Variants in PCDHA3 observed in about 807,000 individuals in gnomAD.
PCDHA3 encodes the protein protocadherin alpha-3.
Under a neutral mutation model 62.2 loss-of-function variants are expected in PCDHA3, and 41 were observed. The observed-to-expected ratio is 0.66, with a 90% CI of 0.51 to 0.86. PCDHA3 has a LOEUF of 0.86. Among genes scored for constraint, PCDHA3 ranks in the 40% least tolerant of loss-of-function variants. The pLI is 0.00. For missense variants in PCDHA3, 1,304 were observed against 1,241.2 expected (o/e 1.05, Z -0.76); for synonymous variants, 640 against 555.4 (o/e 1.15, Z -2.14).
intron 3 of PCDHA3, among the ~76,000 whole-genome samples, chr5:141,008,922 G>A (rs34518527): frequency 0.052 from 7,924 of 152,178 alleles, 248 homozygotes; most frequent in South Asian, 0.11. Flanking sequence ...AATTTATTCA[G>A]CTAATTTTTC....
intron 1 of PCDHA3, among the ~76,000 whole-genome samples, chr5:140,912,600 T>C (rs2075993093): frequency 6.6e-6 from 1 of 152,156 alleles, no homozygotes; most frequent in African/African-American, 2.4e-5. Context: ...CTTTATTTCT[T>C]CCTCTTGTCT....
intron 1 of PCDHA3, chr5:140,829,004 C>T (rs2150161840): frequency 4.3e-6 from 7 of 1,613,616 alleles, no homozygotes; most frequent in African/African-American, 4.0e-5. Flanking sequence ...AATAGTGATT[C>T]GGGGTAATTT....
chr5:140,850,912 T>G (rs2150501930), intron 1 of PCDHA3: 2 of 1,541,844 alleles, frequency 1.3e-6, no homozygotes, highest in South Asian at 2.5e-5. Context: ...AGCATTTTAT[T>G]TATTTATATA....
Position 140,850,161 on chromosome 5 carries a change from C to T in PCDHA3, c.2394+46570C>T, listed in dbSNP as rs2150470387. On this transcript the variant is annotated intron_variant, in intron 1 of 3. Coordinates refer to ENST00000522353, the MANE Select transcript of PCDHA3 (RefSeq NM_018906.3). ...CAACGTGACGCTGCAGGTGTTCGTG[C>T]TGGACGAGAACGACAATGCGCCGGC... 20 of 1,594,886 alleles carry T rather than the reference C, an allele frequency of 1.3e-5. 1 individual carries two copies. Among genetic ancestry groups the T allele is most frequent in the Non-Finnish European group, 1.7e-5 (20 of 1,167,810 alleles).
intron 1 of PCDHA3, chr5:140,882,004 C>CA (rs1296948506): frequency 1.0e-5 from 5 of 496,760 alleles, no homozygotes; most frequent in Non-Finnish European, 1.7e-5. Flanking sequence ...ATGCAAGGGG[C>CA]AAAAAAATAC....
chr5:140,801,617 GTT>G lies in PCDHA3; in HGVS notation c.422_423del (p.Phe141TyrfsTer32). 6.2e-7 allele frequency: 1 copy of G among 1,614,148 alleles called. No homozygotes were observed. The highest frequency in any genetic ancestry group is 2.2e-5 in the East Asian group (1 of 44,888). ...PVFPMAVKNL[F>X]ISESRQPGSR... ...TTTTTCCAATGGCTGTAAAGAATCT[GTT>G]TATTTCCGAATCCCGACAGCCTGGC... On this transcript the variant is annotated frameshift_variant, in exon 1 of 4. Coordinates refer to ENST00000522353, the MANE Select transcript of PCDHA3 (RefSeq NM_018906.3). LOFTEE classifies it high-confidence loss of function.
intron 1 of PCDHA3, chr5:140,808,185 A>G: frequency 6.2e-7 from 1 of 1,614,236 alleles, no homozygotes; most frequent in Non-Finnish European, 8.5e-7. Context: ...CTTTCTGGCC[A>G]TTGTAGAGTT....
In PCDHA3 at chr5:140,951,110, T is replaced by A. The variant is rs1230697929; in HGVS notation, c.2395-27839T>A. Reference sequence around the variant, plus strand: ...TTTTTCTGATAAGATTTCCTTTATTTTCATTCCTTACCAATAAGTTTTCCT... The same window carrying A: ...TTTTTCTGATAAGATTTCCTTTATTATCATTCCTTACCAATAAGTTTTCCT... On this transcript the variant is annotated intron_variant, in intron 1 of 3. Transcript: ENST00000522353. Among the ~76,000 whole-genome samples, 5 of 150,004 alleles carry A rather than the reference T, an allele frequency of 3.3e-5. No homozygotes were observed. The East Asian group carries it at 9.8e-4, about 29-fold the overall frequency.
intron 1 of PCDHA3, chr5:140,929,377 CTGT>C (rs782747382): frequency 6.6e-7 from 1 of 1,514,350 alleles, no homozygotes; most frequent in Non-Finnish European, 8.8e-7. Flanking sequence ...TGGCTGCTAG[CTGT>C]GTTTTGAAAT....
intron 1 of PCDHA3, chr5:140,862,471 C>A (rs1000381603): frequency 1.5e-4 from 55 of 374,462 alleles, no homozygotes; most frequent in Non-Finnish European, 2.7e-4. Context: ...GAGAGCAAAT[C>A]TATCCATTGT....
At chr5:140,812,664 T>G (rs1554126035) in intron 1 of PCDHA3, 2 of 152,192 alleles carry the variant, frequency 1.3e-5, no homozygotes, top group Non-Finnish European at 2.9e-5. Context: ...CTCACTATGA[T>G]GTACAGAGGC....
chr5:141,007,524 C>T (rs2098334216), intron 3 of PCDHA3, among the ~76,000 whole-genome samples: 1 of 151,984 alleles, frequency 6.6e-6, no homozygotes, highest in African/African-American at 2.4e-5. Context: ...GCTGATATCT[C>T]GCCACTGCAC....
chr5:140,888,764 T>A (rs74654123), intron 1 of PCDHA3, among the ~76,000 whole-genome samples: 4 of 152,186 alleles, frequency 2.6e-5, no homozygotes, highest in East Asian at 3.9e-4. Context: ...CTTTTTTTTT[T>A]AATTTTGAAG....
At chr5:140,966,792 C>T (rs1182470326) in intron 1 of PCDHA3, 4 of 1,530,564 alleles carry the variant, frequency 2.6e-6, no homozygotes, top group Non-Finnish European at 2.6e-6. Context: ...ACCAGACCTG[C>T]GGCGACAGAG....
chr5:140,841,832 A>C lies in PCDHA3; in HGVS notation c.2394+38241A>C, dbSNP rs2150323829. The C allele has an allele frequency of 3.7e-6, 6 of 1,613,806 alleles. No homozygotes were observed. The South Asian group carries it at 5.5e-5, about 15-fold the overall frequency. ...TGGAGCTAACTCCGTGTTAACCTAC[A>C]GGCTTAGCTCTCATGATTACTTCAT... is the stretch of plus-strand genomic sequence containing the variant. On this transcript the variant is annotated intron_variant, in intron 1 of 3. Coordinates refer to ENST00000522353, the MANE Select transcript of PCDHA3 (RefSeq NM_018906.3).
intron 1 of PCDHA3, chr5:140,834,474 C>T (rs1554134247): frequency 1.1e-5 from 17 of 1,614,166 alleles, no homozygotes; most frequent in Non-Finnish European, 1.3e-5. Flanking sequence ...GAGAGGCCAG[C>T]TCCACTACTC....
intron 1 of PCDHA3, among the ~76,000 whole-genome samples, chr5:140,950,508 C>T (rs1442075303): frequency 6.6e-6 from 1 of 152,016 alleles, no homozygotes; most frequent in African/African-American, 2.4e-5. Context: ...TCATTATTCC[C>T]TGTGTGCGAT....
chr5:141,000,136 G>A (rs2097893947), intron 3 of PCDHA3, among the ~76,000 whole-genome samples: 2 of 152,034 alleles, frequency 1.3e-5, no homozygotes, highest in South Asian at 4.1e-4. Flanking sequence ...TTCACAAGAA[G>A]TAAACAAAAC....
intron 1 of PCDHA3, among the ~76,000 whole-genome samples, chr5:140,885,900 C>G (rs1387318205): frequency 6.6e-6 from 1 of 152,120 alleles, no homozygotes; most frequent in Non-Finnish European, 1.5e-5. Flanking sequence ...GAAAAGTTCT[C>G]TGTACCTTAT....
Sources: gnomAD v4.1 joint callset for allele counts (sites outside exome capture counted in the v4.1 genomes callset) on GRCh38, gnomAD v4.1.1 for gene constraint, MANE v1.5 for transcripts, NCBI Gene and HGNC (gene_info 2026-07-23, HGNC 2026-07-21) for gene names.